Variants in RBFOX1 observed in about 807,000 individuals in gnomAD.
RBFOX1 encodes the protein RNA binding protein fox-1 homolog 1.
RBFOX1 carries 8 observed loss-of-function variants against 57.7 expected under a neutral mutation model. The ratio of observed to expected loss-of-function variants is 0.14; its 90% confidence interval spans 0.08 to 0.25. The LOEUF is 0.25. Ranked by LOEUF, RBFOX1 falls within the 10% of genes least tolerant of loss-of-function variation. The pLI, the probability that RBFOX1 is intolerant of heterozygous loss-of-function variation, is 1.00. For missense variants in RBFOX1, 611 were observed against 548.5 expected (o/e 1.11, Z -1.14); for synonymous variants, 326 against 222.4 (o/e 1.47, Z -4.15).
At chr16:7,671,579 T>C in intron 13 of RBFOX1, 1 of 1,612,062 alleles carries the variant, frequency 6.2e-7, no homozygotes, top group South Asian at 1.1e-5. Context: ...AGAGCCTGTG[T>C]ATGGCAATAA....
intron 4 of RBFOX1, among the ~76,000 whole-genome samples, chr16:7,196,882 G>T (rs566837505): frequency 6.6e-6 from 1 of 152,318 alleles, no homozygotes; most frequent in South Asian, 2.1e-4. Context: ...CTGAGCCAAA[G>T]GTAAATATGC....
rs539512424 is a variant in RBFOX1 at position 6,199,110 on chromosome 16, T to C, written c.-126-117885T>C. 2.0e-5 allele frequency among the ~76,000 whole-genome samples: 3 copies of C among 152,210 alleles called. No homozygotes were observed. The East Asian group carries it at 5.8e-4, about 29-fold the overall frequency. ...TTCTATGCTCCGTTCCATTTTCTTA[T>C]TGAAAAAAATATTTAATATAAATGA... On this transcript the variant is annotated intron_variant, in intron 1 of 15. Transcript: ENST00000550418.
intron 2 of RBFOX1, among the ~76,000 whole-genome samples, chr16:6,338,115 A>G (rs1042717829): frequency 3.3e-5 from 5 of 152,202 alleles, no homozygotes; most frequent in Non-Finnish European, 7.3e-5. Context: ...ACTATCAGAT[A>G]CTTTGGATTA....
At chr16:7,095,873 C>T (rs1567236732) in intron 4 of RBFOX1, among the ~76,000 whole-genome samples, 2 of 151,736 alleles carry the variant, frequency 1.3e-5, no homozygotes, top group African/African-American at 4.8e-5. Context: ...ATTAGCCAGG[C>T]GTGGTGGCGG....
chr16:7,104,152 A>G (rs547183268), intron 4 of RBFOX1, among the ~76,000 whole-genome samples: 25 of 152,312 alleles, frequency 1.6e-4, no homozygotes, highest in Admixed American at 1.6e-3. Flanking sequence ...TAAGGCCAAG[A>G]TAAGTAATAA....
intron 2 of RBFOX1, among the ~76,000 whole-genome samples, chr16:6,562,221 G>C (rs2097188167): frequency 6.6e-6 from 1 of 152,196 alleles, no homozygotes; most frequent in Admixed American, 6.5e-5. Context: ...CTCTGAACTT[G>C]TATCAGTGAT....
chr16:6,870,109 A>G (rs927180626), intron 3 of RBFOX1, among the ~76,000 whole-genome samples: 2 of 152,158 alleles, frequency 1.3e-5, no homozygotes, highest in African/African-American at 2.4e-5. Context: ...GATAATAATG[A>G]TGATTTTTTG....
chr16:6,433,161 A>G (rs1410880170), intron 2 of RBFOX1, among the ~76,000 whole-genome samples: 2 of 152,222 alleles, frequency 1.3e-5, no homozygotes, highest in Non-Finnish European at 2.9e-5. Flanking sequence ...TTGGCCCCAC[A>G]TGGGGCTATG....
chr16:6,848,961 C>G (rs8054809), intron 3 of RBFOX1, among the ~76,000 whole-genome samples: 45,501 of 152,028 alleles, frequency 0.3, 7,023 homozygotes, highest in South Asian at 0.42. Flanking sequence ...TTGCTTCATG[C>G]ACGCTTAACT....
intron 4 of RBFOX1, among the ~76,000 whole-genome samples, chr16:5,956,672 A>ATTTTTTTTTTTT (rs1309859075): frequency 5.1e-5 from 4 of 78,426 alleles, no homozygotes; most frequent in South Asian, 3.2e-4. Context: ...ATATATATAT[A>ATTTTTTTTTTTT]TATATATTTT....
intron 3 of RBFOX1, among the ~76,000 whole-genome samples, chr16:6,898,696 G>T (rs1352944847): frequency 6.6e-6 from 1 of 152,042 alleles, no homozygotes; most frequent in Non-Finnish European, 1.5e-5. Flanking sequence ...ATATACGTGT[G>T]TATGTGTCTA....
chr16:6,617,577 C>A (rs1234484658), intron 2 of RBFOX1, among the ~76,000 whole-genome samples: 1 of 152,078 alleles, frequency 6.6e-6, no homozygotes, highest in Non-Finnish European at 1.5e-5. Flanking sequence ...AGGACCTTTC[C>A]TCCTACCACT....
In RBFOX1 at chr16:7,381,686, C is replaced by T. The variant is rs149184810; in HGVS notation, c.28-136461C>T. On this transcript the variant is annotated intron_variant, in intron 4 of 15. Coordinates refer to ENST00000550418, the MANE Select transcript of RBFOX1 (RefSeq NM_018723.4). Reference sequence around the variant, plus strand: ...GGTAGGAAAAATGCAAATGTCCCACCGTATGGATTTGGGATTTGCAAGTCA... The same window carrying T: ...GGTAGGAAAAATGCAAATGTCCCACTGTATGGATTTGGGATTTGCAAGTCA... 5.1e-4 allele frequency among the ~76,000 whole-genome samples: 78 copies of T among 152,132 alleles called. No individual in the cohort carries two copies. In the East Asian group the frequency reaches 7.3e-3, roughly 14 times the overall value.
chr16:5,330,615 G>A (rs2064725374), intron 1 of RBFOX1, among the ~76,000 whole-genome samples: 1 of 152,016 alleles, frequency 6.6e-6, no homozygotes, highest in South Asian at 2.1e-4. Flanking sequence ...ATGTTGGCCA[G>A]GCTGGCCTCG....
chr16:6,588,216 C>T, intron 2 of RBFOX1, among the ~76,000 whole-genome samples: 2 of 149,050 alleles, frequency 1.3e-5, no homozygotes, highest in South Asian at 4.3e-4. Context: ...GGGCACAGAG[C>T]AAGACTGTGT....
At chr16:5,606,963 G>T (rs2047604451) in intron 3 of RBFOX1, among the ~76,000 whole-genome samples, 1 of 152,224 alleles carries the variant, frequency 6.6e-6, no homozygotes, top group Admixed American at 6.5e-5. Context: ...GCTGTGATCA[G>T]TGTGTGGCCA....
chr16:6,066,293 C>CAAAAAAAAAAAAAAAAAAAA (rs372412356), intron 1 of RBFOX1, among the ~76,000 whole-genome samples: 5 of 50,386 alleles, frequency 9.9e-5, no homozygotes, highest in Admixed American at 3.0e-4. Flanking sequence ...GACTCTGTCT[C>CAAAAAAAAAAAAAAAAAAAA]AAAAAAAAAA....
chr16:5,900,355 G>T (rs529294392), intron 4 of RBFOX1, among the ~76,000 whole-genome samples: 1 of 152,238 alleles, frequency 6.6e-6, no homozygotes, highest in East Asian at 1.9e-4. Flanking sequence ...AGAGAATAGC[G>T]TGTGTTTTCC....
intron 2 of RBFOX1, among the ~76,000 whole-genome samples, chr16:6,431,934 TTTCTTTC>T (rs1222054557): frequency 1.3e-5 from 2 of 151,142 alleles, no homozygotes; most frequent in Non-Finnish European, 2.9e-5. Flanking sequence ...TCTTTCTTTC[TTTCTTTC>T]TTTCTTTCTT....
Sources: allele counts gnomAD v4.1 joint callset (sites outside exome capture counted in the v4.1 genomes callset), GRCh38; gene constraint gnomAD v4.1.1; transcripts MANE v1.5; gene names NCBI Gene and HGNC (gene_info 2026-07-23, HGNC 2026-07-21).